The following NR2C1 variants were observed in gnomAD, a reference collection of about 807,000 sequenced individuals.
NR2C1 encodes nuclear receptor subfamily 2 group C member 1, also known as TR2 nuclear hormone receptor.
A neutral mutation model predicts 74.8 loss-of-function variants in NR2C1; 33 were observed. The observed-to-expected ratio is 0.44, with a 90% CI of 0.33 to 0.59. NR2C1 has a LOEUF of 0.59. Among genes scored for constraint, NR2C1 ranks in the 20% least tolerant of loss-of-function variants. The probability of loss-of-function intolerance (pLI) is 0.02; values close to 1 mark genes in which losing one functional copy is unlikely to be tolerated. For synonymous variants in NR2C1, 225 were observed against 240.6 expected, an observed-to-expected ratio of 0.94 and a Z score of 0.60; for missense variants, 568 against 715.6, an observed-to-expected ratio of 0.79 and a Z score of 2.35.
intron 1 of NR2C1, among the ~76,000 whole-genome samples, chr12:95,071,924 T>G (rs933934145): frequency 6.6e-6 from 1 of 151,338 alleles, no homozygotes; most frequent in East Asian, 2.0e-4. Context: ...AATTTTGTAT[T>G]TTTAGTAGAA....
intron 1 of NR2C1, chr12:95,072,834 T>A (rs1876906812): frequency 6.6e-6 from 1 of 152,286 alleles, no homozygotes; most frequent in Admixed American, 6.5e-5. Context: ...TGGCCAGATT[T>A]GCCGTGAGAG....
At chr12:95,040,620 T>C (rs1447862790) in intron 9 of NR2C1, 23 bp from the exon 10 acceptor site, 4 of 1,568,248 alleles carry the variant, frequency 2.6e-6, no homozygotes, top group Non-Finnish European at 3.5e-6. Flanking sequence ...GGGATTTAGG[T>C]AAATTATCTT....
At chr12:95,049,994 C>T (rs1293657381) in intron 8 of NR2C1, among the ~76,000 whole-genome samples, 1 of 152,018 alleles carries the variant, frequency 6.6e-6, no homozygotes, top group East Asian at 1.9e-4. Context: ...GAAACTGGGC[C>T]TCACTATGTT....
At chr12:95,026,220 A>G (rs1869345046) in intron 12 of NR2C1, among the ~76,000 whole-genome samples, 1 of 152,116 alleles carries the variant, frequency 6.6e-6, no homozygotes. Flanking sequence ...AAAAAAAAAA[A>G]AGGCATTTTA....
At chr12:95,070,163 G>C (rs1876386324) in intron 1 of NR2C1, among the ~76,000 whole-genome samples, 1 of 151,608 alleles carries the variant, frequency 6.6e-6, no homozygotes, top group South Asian at 2.1e-4. Context: ...ACAGAATCTT[G>C]CTCTGTCACC....
At chr12:95,037,027 A>C (rs1461383493) in intron 10 of NR2C1, among the ~76,000 whole-genome samples, 1 of 152,230 alleles carries the variant, frequency 6.6e-6, no homozygotes, top group Non-Finnish European at 1.5e-5. Context: ...ATTATGCTTC[A>C]GTGGTAATTT....
At chr12:95,050,702 C>T (rs965282124) in intron 8 of NR2C1, among the ~76,000 whole-genome samples, 2 of 151,388 alleles carry the variant, frequency 1.3e-5, no homozygotes, top group African/African-American at 4.9e-5. Flanking sequence ...GTGATCTTCC[C>T]GCCTCAGCCT....
At chr12:95,068,044 A>T (rs1486202753) in intron 1 of NR2C1, among the ~76,000 whole-genome samples, 1 of 151,694 alleles carries the variant, frequency 6.6e-6, no homozygotes, top group South Asian at 2.1e-4. Flanking sequence ...ACGCCAGCTA[A>T]TTTTTTTGTA....
intron 2 of NR2C1, among the ~76,000 whole-genome samples, chr12:95,063,149 T>C (rs1875053445): frequency 6.6e-6 from 1 of 152,164 alleles, no homozygotes; most frequent in South Asian, 2.1e-4. Context: ...CTAAATGCTA[T>C]GAAGAAAAAC....
At chr12:95,072,462 A>T (rs1006231145) in intron 1 of NR2C1, among the ~76,000 whole-genome samples, 2 of 150,522 alleles carry the variant, frequency 1.3e-5, no homozygotes, top group Non-Finnish European at 3.0e-5. Flanking sequence ...TCTCAAAAAA[A>T]AAAAAAAAAA....
At chr12:95,067,201 C>T in intron 2 of NR2C1, 130 bp downstream of exon 2, 2 of 762,146 alleles carry the variant, frequency 2.6e-6, no homozygotes, top group South Asian at 3.1e-5. Flanking sequence ...AACTATCTCT[C>T]AGTAGCTTGA....
intron 10 of NR2C1, among the ~76,000 whole-genome samples, chr12:95,032,685 G>GGGCT: frequency 6.6e-6 from 1 of 151,872 alleles, no homozygotes. Flanking sequence ...GAATTAGCTG[G>GGGCT]GGCTGGGCGC....
chr12:95,062,865 T>G (rs1875008227), intron 2 of NR2C1, 127 bp from the exon 3 acceptor site: 1 of 675,104 alleles, frequency 1.5e-6, no homozygotes, highest in Non-Finnish European at 2.5e-6. Flanking sequence ...AAACTACCGA[T>G]TCTATTGCCA....
At chr12:95,034,652 G>C (rs1870586142) in intron 10 of NR2C1, among the ~76,000 whole-genome samples, 1 of 152,112 alleles carries the variant, frequency 6.6e-6, no homozygotes, top group Non-Finnish European at 1.5e-5. Context: ...CATATACAAT[G>C]GTGGTCCCTT....
At chr12:95,042,687 A>G (rs1227279598) in intron 9 of NR2C1, among the ~76,000 whole-genome samples, 1 of 152,262 alleles carries the variant, frequency 6.6e-6, no homozygotes, top group Non-Finnish European at 1.5e-5. Context: ...GTACCAAGTA[A>G]TAAAACAAAA....
chr12:95,034,717 A>G (rs1196446099), intron 10 of NR2C1, among the ~76,000 whole-genome samples: 1 of 152,178 alleles, frequency 6.6e-6, no homozygotes, highest in African/African-American at 2.4e-5. Context: ...ATACACAAAC[A>G]TTTACTATTG....
rs1248977122 is a variant in NR2C1, at chr12:95,058,292, T to A, written c.544+18A>T. ...GGAATCTTTAAAAAGTATTTTCTCC[T>A]TAAAAGCTAATACATACAGTCTTGC... is the stretch of plus-strand genomic sequence containing the variant. On this transcript the variant is annotated intron_variant, in intron 5 of 13. Coordinates refer to ENST00000333003, the MANE Select transcript of NR2C1 (RefSeq NM_003297.4). 1 of 1,576,758 alleles carries A rather than the reference T, an allele frequency of 6.3e-7. No individual in the cohort carries two copies. Among genetic ancestry groups the A allele is most frequent in the Non-Finnish European group, 8.6e-7 (1 of 1,167,506 alleles).
rs977379318 is a variant in NR2C1 at position 95,020,666 on chromosome 12, C to CT, written c.*1562dup. 2.0e-5 allele frequency: 3 copies of CT among 152,136 alleles called. No individual in the cohort carries two copies. Among genetic ancestry groups the CT allele is most frequent in the Non-Finnish European group, 4.4e-5 (3 of 68,008 alleles). The allele number at this position is 152,136 out of a possible 1,614,324, so 9.4% of individuals were successfully genotyped here. A position where few individuals can be genotyped will look rare whatever the true frequency, so the allele number is the denominator to read the frequency against. On this transcript the variant is annotated 3_prime_UTR_variant, in exon 14 of 14. Transcript: ENST00000333003. The stretch of plus-strand genomic sequence containing the variant: ...TTCACTTTTCTTCTATTGCAAAAAT[C>CT]TTTACAAAAAATGTACTCTGAGTGC...
intron 10 of NR2C1, among the ~76,000 whole-genome samples, chr12:95,038,450 T>G (rs1871130607): frequency 6.6e-6 from 1 of 152,252 alleles, no homozygotes; most frequent in Non-Finnish European, 1.5e-5. Flanking sequence ...GAACTACACT[T>G]AATATTTTAA....
Sources: gnomAD v4.1 joint callset for allele counts (sites outside exome capture counted in the v4.1 genomes callset) on GRCh38, gnomAD v4.1.1 for gene constraint, MANE v1.5 for transcripts, NCBI Gene and HGNC (gene_info 2026-07-23, HGNC 2026-07-21) for gene names.